Variants in CADPS2 observed in about 807,000 individuals in gnomAD.
The protein encoded by CADPS2 is calcium-dependent secretion activator 2.
Under a neutral mutation model 172.5 loss-of-function variants are expected in CADPS2, and 93 were observed. That is an observed-to-expected ratio of 0.54 (90% CI 0.46 to 0.64). The LOEUF is 0.64. Ranked by LOEUF, CADPS2 falls within the 30% of genes least tolerant of loss-of-function variation. The probability of loss-of-function intolerance (pLI) is 0.00; values close to 1 mark genes in which losing one functional copy is unlikely to be tolerated. For missense variants in CADPS2, 1,420 were observed against 1,565.9 expected, an observed-to-expected ratio of 0.91 and a Z score of 1.57; for synonymous variants, 546 against 555.2, an observed-to-expected ratio of 0.98 and a Z score of 0.23.
chr7:122,583,527 G>C (rs991780087), intron 6 of CADPS2, among the ~76,000 whole-genome samples: 1 of 149,990 alleles, frequency 6.7e-6, no homozygotes, highest in East Asian at 2.0e-4. Flanking sequence ...GTCTTTTATA[G>C]GTAAAAAAAA....
chr7:122,395,713 C>A (rs1484625874), intron 20 of CADPS2, among the ~76,000 whole-genome samples: 1 of 152,200 alleles, frequency 6.6e-6, no homozygotes, highest in Non-Finnish European at 1.5e-5. Flanking sequence ...TCCTCCTCAT[C>A]CCTAGCATAT....
At chr7:122,589,876 A>G (rs539108400) in intron 6 of CADPS2, among the ~76,000 whole-genome samples, 115 of 152,028 alleles carry the variant, frequency 7.6e-4, no homozygotes, top group Middle Eastern at 3.4e-3. Context: ...ACTTAAACGT[A>G]TATTTTAAAG....
At chr7:122,842,752 A>G (rs1465413462) in intron 1 of CADPS2, among the ~76,000 whole-genome samples, 2 of 152,192 alleles carry the variant, frequency 1.3e-5, no homozygotes, top group Non-Finnish European at 2.9e-5. Context: ...CTAGAAATAC[A>G]AAGATAATTA....
At chr7:122,816,637 T>C (rs1010694968) in intron 1 of CADPS2, among the ~76,000 whole-genome samples, 28 of 152,364 alleles carry the variant, frequency 1.8e-4, no homozygotes, top group African/African-American at 6.7e-4. Flanking sequence ...TTTGTGAATG[T>C]ACATTCTCAG....
intron 1 of CADPS2, among the ~76,000 whole-genome samples, chr7:122,790,029 T>TTTTG (rs1491315699): frequency 7.6e-6 from 1 of 131,788 alleles, no homozygotes; most frequent in Non-Finnish European, 1.6e-5. Flanking sequence ...ATATTAAGTG[T>TTTTG]TTTTTTTTTT....
intron 11 of CADPS2, among the ~76,000 whole-genome samples, chr7:122,484,965 TTAG>T (rs149479497): frequency 0.03 from 4,621 of 152,234 alleles, 200 homozygotes; most frequent in African/African-American, 0.11. Context: ...TTTTTCATTA[TTAG>T]TAGATCTATC....
chr7:122,708,149 C>T (rs1328944418), intron 2 of CADPS2, among the ~76,000 whole-genome samples: 2 of 151,838 alleles, frequency 1.3e-5, no homozygotes, highest in Non-Finnish European at 2.9e-5. Context: ...ATTCCCTCTA[C>T]AAAATTAACT....
chr7:122,861,739 G>A (rs75192238), intron 1 of CADPS2, among the ~76,000 whole-genome samples: 2,435 of 152,266 alleles, frequency 0.016, 61 homozygotes, highest in African/African-American at 0.055. Context: ...GCTCAGATTC[G>A]ATCATTACGC....
intron 1 of CADPS2, among the ~76,000 whole-genome samples, chr7:122,834,187 G>A (rs2140701953): frequency 6.6e-6 from 1 of 152,296 alleles, no homozygotes; most frequent in Admixed American, 6.5e-5. Context: ...TAATATGGTA[G>A]AAAGTAAGAA....
intron 6 of CADPS2, among the ~76,000 whole-genome samples, chr7:122,606,903 T>C (rs1230811771): frequency 6.6e-6 from 1 of 152,042 alleles, no homozygotes; most frequent in East Asian, 1.9e-4. Context: ...AGCCATAGGA[T>C]GTATAATTTG....
chr7:122,422,189 T>C (rs916012702), intron 17 of CADPS2: 34 of 152,118 alleles, frequency 2.2e-4, no homozygotes, highest in African/African-American at 7.0e-4. Context: ...GGAAGGACTA[T>C]AGTTTGGCAA....
At chr7:122,821,293 G>A (rs1343956324) in intron 1 of CADPS2, among the ~76,000 whole-genome samples, 2 of 152,098 alleles carry the variant, frequency 1.3e-5, no homozygotes, top group Admixed American at 6.6e-5. Context: ...ATGCTATATA[G>A]TACAAGCCAC....
intron 3 of CADPS2, among the ~76,000 whole-genome samples, chr7:122,630,209 T>C (rs1301858316): frequency 1.3e-5 from 2 of 152,130 alleles, no homozygotes; most frequent in African/African-American, 4.8e-5. Context: ...CGATTGAGTA[T>C]AACATTAAAC....
intron 1 of CADPS2, among the ~76,000 whole-genome samples, chr7:122,847,794 A>G (rs1450226331): frequency 6.6e-6 from 1 of 152,232 alleles, no homozygotes; most frequent in East Asian, 1.9e-4. Context: ...TAATCTCCTT[A>G]ATGCAAATTG....
intron 27 of CADPS2, among the ~76,000 whole-genome samples, chr7:122,351,899 T>G (rs2038707885): frequency 6.6e-6 from 1 of 152,220 alleles, no homozygotes; most frequent in African/African-American, 2.4e-5. Flanking sequence ...TTATGTAGCA[T>G]TAGTATGTTA....
In CADPS2 at chr7:122,732,345, T is replaced by C. The variant is rs149663950; in HGVS notation, c.453+4610A>G. 3.5e-3 allele frequency among the ~76,000 whole-genome samples: 525 copies of C among 151,414 alleles called. 6 individuals carry two copies. Among genetic ancestry groups the C allele is most frequent in the African/African-American group, 0.012 (514 of 41,440 alleles). Reference sequence around the variant, plus strand: ...AGAACAGACAGAAAACTTTTTTTTTTTGAGATGGAGTAATTGTCTATAGAC... The same window carrying C: ...AGAACAGACAGAAAACTTTTTTTTTCTGAGATGGAGTAATTGTCTATAGAC... On this transcript the variant is annotated intron_variant, in intron 2 of 29. Transcript: ENST00000449022.
At chr7:122,705,105 C>T (rs979065600) in intron 2 of CADPS2, among the ~76,000 whole-genome samples, 3 of 151,832 alleles carry the variant, frequency 2.0e-5, no homozygotes, top group African/African-American at 7.3e-5. Context: ...AAGGATGAGG[C>T]CCTCAATGCA....
intron 25 of CADPS2, among the ~76,000 whole-genome samples, chr7:122,369,128 C>T (rs1169680252): frequency 0.23 from 527 of 2,320 alleles, no homozygotes; most frequent in South Asian, 0.36. Context: ...ATTTTTGTTT[C>T]CCCCCCCCCC....
At chr7:122,520,542 A>G (rs2060706067) in intron 8 of CADPS2, among the ~76,000 whole-genome samples, 1 of 152,078 alleles carries the variant, frequency 6.6e-6, no homozygotes, top group African/African-American at 2.4e-5. Context: ...TCATCTTCAT[A>G]TCACAATATG....
Sources: gnomAD v4.1 joint callset for allele counts (sites outside exome capture counted in the v4.1 genomes callset) on GRCh38, gnomAD v4.1.1 for gene constraint, MANE v1.5 for transcripts, NCBI Gene and HGNC (gene_info 2026-07-23, HGNC 2026-07-21) for gene names.